The following DCUN1D5 variants were observed in gnomAD, a reference collection of about 807,000 sequenced individuals.
DCUN1D5 encodes the protein DCN1-like protein 5.
Under a neutral mutation model 38.3 loss-of-function variants are expected in DCUN1D5, and 10 were observed. That is an observed-to-expected ratio of 0.26 (90% CI 0.16 to 0.44). The LOEUF (loss-of-function observed/expected upper bound fraction) is 0.44, where lower values mean the gene tolerates loss of function less well. DCUN1D5 is among the 20% of genes least tolerant of loss of function. DCUN1D5 has a pLI of 1.00. For missense variants in DCUN1D5, 148 were observed against 275.3 expected (o/e 0.54, Z 3.27); for synonymous variants, 93 against 90.9 (o/e 1.02, Z -0.13).
Position 103,052,094 on chromosome 11 carries a change from G to A in DCUN1D5, c.*10265C>T, listed in dbSNP as rs533098957. ...TTTTAGTGTCTATTTAGAAGACACT[G>A]TGCCCGGTTATGTGAGACTGCTCCA... On this transcript the variant is annotated 3_prime_UTR_variant, in exon 8 of 8. Transcript: ENST00000260247. The A allele has an allele frequency of 3.9e-4, 59 of 152,160 alleles. No homozygotes were observed. The highest frequency in any genetic ancestry group is 7.9e-4 in the Non-Finnish European group (54 of 68,002). 9.4% of individuals were successfully genotyped at this position (152,160 alleles called of 1,614,324 possible).
In DCUN1D5 at chr11:103,062,051, C is replaced by A. The variant is rs1862024841; in HGVS notation, c.*308G>T. ...AATTCAAATTTACAAAAATAAATACCACTCTGACACTCAAGGGACATCTTC... is the reference window on the plus strand; with the variant it reads ...AATTCAAATTTACAAAAATAAATACAACTCTGACACTCAAGGGACATCTTC... On this transcript the variant is annotated 3_prime_UTR_variant, in exon 8 of 8. Coordinates refer to ENST00000260247, the MANE Select transcript of DCUN1D5 (RefSeq NM_032299.4). This position sits in a 1 kb window ranked among gnomAD's most constrained non-coding sequence, Gnocchi z 4.6. 3.6e-6 allele frequency: 1 copy of A among 279,242 alleles called. No homozygotes were observed. Among genetic ancestry groups the A allele is most frequent in the Non-Finnish European group, 6.6e-6 (1 of 151,418 alleles). 17.3% of individuals were successfully genotyped at this position (279,242 alleles called of 1,614,324 possible).
chr11:103,087,305 G>A lies in DCUN1D5; in HGVS notation c.178+1922C>T, dbSNP rs1164712352. Reference sequence around the variant, plus strand: ...CCTGCCCCAGCCTCCCAAGTAGCTGGGACTACAGGCGCACACCACCACGCC... The same window carrying A: ...CCTGCCCCAGCCTCCCAAGTAGCTGAGACTACAGGCGCACACCACCACGCC... On this transcript the variant is annotated intron_variant, in intron 2 of 7. Coordinates refer to ENST00000260247, the MANE Select transcript of DCUN1D5 (RefSeq NM_032299.4). The surrounding 1 kb of genome is among the most constrained non-coding windows in gnomAD (Gnocchi z 4.1). Among the ~76,000 whole-genome samples the A allele has an allele frequency of 1.3e-5, 2 of 151,772 alleles. No individual in the cohort carries two copies. The highest frequency in any genetic ancestry group is 2.9e-5 in the Non-Finnish European group (2 of 67,978).
At chr11:103,082,338 A>C (rs1364523493) in intron 4 of DCUN1D5, among the ~76,000 whole-genome samples, 3 of 152,136 alleles carry the variant, frequency 2.0e-5, no homozygotes, top group Non-Finnish European at 4.4e-5. Context: ...TCAAATTTTT[A>C]AAGTCAAATA....
intron 2 of DCUN1D5, among the ~76,000 whole-genome samples, chr11:103,084,529 A>G (rs1483852192): frequency 6.6e-6 from 1 of 152,232 alleles, no homozygotes; most frequent in Non-Finnish European, 1.5e-5. Context: ...GAAGGGGGTG[A>G]TTAATTATAG....
rs1033249328 is a variant in DCUN1D5, at chr11:103,055,922, T to C, written c.*6437A>G. 1 of 152,242 alleles carries C rather than the reference T, an allele frequency of 6.6e-6. No individual in the cohort carries two copies. Among genetic ancestry groups the C allele is most frequent in the African/African-American group, 2.4e-5 (1 of 41,472 alleles). The allele number at this position is 152,242 out of a possible 1,614,324, so 9.4% of individuals were successfully genotyped here. Reference sequence around the variant, plus strand: ...AAAGTAAACTCTCAATCTACCCGCTTAAGCCTGCTCCTCTGAGTCTTCGCC... The same window carrying C: ...AAAGTAAACTCTCAATCTACCCGCTCAAGCCTGCTCCTCTGAGTCTTCGCC... On this transcript the variant is annotated 3_prime_UTR_variant, in exon 8 of 8. Transcript: ENST00000260247.
chr11:103,063,906 T>C lies in DCUN1D5; in HGVS notation c.658+369A>G, dbSNP rs1321419641. On this transcript the variant is annotated intron_variant, in intron 7 of 7. Coordinates refer to ENST00000260247, the MANE Select transcript of DCUN1D5 (RefSeq NM_032299.4). The surrounding 1 kb of genome is among the most constrained non-coding windows in gnomAD (Gnocchi z 4.6). Reference sequence around the variant, plus strand: ...TAATATTACAATAATGTTAAAGCTTTTTCTATTGTGGCTGATTGTTTTGCT... The same window carrying C: ...TAATATTACAATAATGTTAAAGCTTCTTCTATTGTGGCTGATTGTTTTGCT... 6.6e-6 allele frequency among the ~76,000 whole-genome samples: 1 copy of C among 152,174 alleles called. No individual in the cohort carries two copies. Among genetic ancestry groups the C allele is most frequent in the Non-Finnish European group, 1.5e-5 (1 of 68,000 alleles).
rs1442455486 is a variant in DCUN1D5, at chr11:103,053,504, G to A, written c.*8855C>T. 1 of 152,118 alleles carries A rather than the reference G, an allele frequency of 6.6e-6. No homozygotes were observed. The highest frequency in any genetic ancestry group is 2.1e-4 in the South Asian group (1 of 4,828). The allele number at this position is 152,118 out of a possible 1,614,324, so 9.4% of individuals were successfully genotyped here. On this transcript the variant is annotated 3_prime_UTR_variant, in exon 8 of 8. Transcript: ENST00000260247. This position sits in a 1 kb window ranked among gnomAD's most constrained non-coding sequence, Gnocchi z 4.8. ...CAAAATAGCTAAAGAGAATTCGAAT[G>A]TTCCTAGTGTAAAGAAAACATAAAT...
rs1384651064 is a variant in DCUN1D5, at chr11:103,091,639, G to C, written c.86+148C>G. On this transcript the variant is annotated intron_variant, in intron 1 of 7. Coordinates refer to ENST00000260247, the MANE Select transcript of DCUN1D5 (RefSeq NM_032299.4). The surrounding 1 kb of genome is among the most constrained non-coding windows in gnomAD (Gnocchi z 4.3). ...GAGGTCGGGTCGGGCGCGGAGACTC[G>C]CGGTGTTCGGCACCTACAGCCTAGC... 1.4e-6 allele frequency: 2 copies of C among 1,458,886 alleles called. No individual in the cohort carries two copies. Among genetic ancestry groups the C allele is most frequent in the East Asian group, 4.8e-5 (2 of 41,434 alleles). 90.4% of individuals were successfully genotyped at this position (1,458,886 alleles called of 1,614,324 possible).
Position 103,066,186 on chromosome 11 carries a change from A to T in DCUN1D5, c.555+83T>A. ...TAAAGTTTTTTTAAAGCATACTATT[A>T]AAAATCTACTTGTTCCTCAAAAGTA... On this transcript the variant is annotated intron_variant, in intron 6 of 7. Coordinates refer to ENST00000260247, the MANE Select transcript of DCUN1D5 (RefSeq NM_032299.4). This position sits in a 1 kb window ranked among gnomAD's most constrained non-coding sequence, Gnocchi z 4.7. 1.1e-6 allele frequency: 1 copy of T among 885,264 alleles called. No homozygotes were observed. The highest frequency in any genetic ancestry group is 1.6e-6 in the Non-Finnish European group (1 of 606,154). The allele number at this position is 885,264 out of a possible 1,614,324, so 54.8% of individuals were successfully genotyped here. A position where few individuals can be genotyped will look rare whatever the true frequency, so the allele number is the denominator to read the frequency against.
chr11:103,084,492 AC>A lies in DCUN1D5; in HGVS notation c.179-1167del, dbSNP rs560763993. Among the ~76,000 whole-genome samples the A allele has an allele frequency of 1.4e-4, 21 of 152,344 alleles. 2 individuals carry two copies. The South Asian group carries it at 3.1e-3, about 23-fold the overall frequency. On this transcript the variant is annotated intron_variant, in intron 2 of 7. Coordinates refer to ENST00000260247, the MANE Select transcript of DCUN1D5 (RefSeq NM_032299.4). ...TAAGTGTTATTAGGTTTAAATAAGT[AC>A]TAACAATGCACTCGTGTTAAAAGGT...
At chr11:103,072,361 T>TCTAGAA (rs1201629461) in intron 4 of DCUN1D5, among the ~76,000 whole-genome samples, 1 of 108,770 alleles carries the variant, frequency 9.2e-6, no homozygotes, top group Non-Finnish European at 1.8e-5. Context: ...TAGATCTAGA[T>TCTAGAA]CTAGAACTAG....
intron 4 of DCUN1D5, among the ~76,000 whole-genome samples, chr11:103,080,680 C>A (rs1484495457): frequency 6.6e-6 from 1 of 152,078 alleles, no homozygotes; most frequent in Admixed American, 6.5e-5. Context: ...ATTTTGTATA[C>A]CCTGTGACCT....
In DCUN1D5 at chr11:103,086,598, C is replaced by T. The variant is rs918069247; in HGVS notation, c.178+2629G>A. Among the ~76,000 whole-genome samples the T allele has an allele frequency of 1.3e-5, 2 of 152,060 alleles. No homozygotes were observed. The highest frequency in any genetic ancestry group is 2.9e-5 in the Non-Finnish European group (2 of 68,006). On this transcript the variant is annotated intron_variant, in intron 2 of 7. Transcript: ENST00000260247. This position sits in a 1 kb window ranked among gnomAD's most constrained non-coding sequence, Gnocchi z 4.1. ...CATATTTATTATCCTTATAACTCCC[C>T]ACAATCTGTACTTATCTTGCCTACA...
rs1051657731 is a variant in DCUN1D5, at chr11:103,065,518, A to C, written c.555+751T>G. On this transcript the variant is annotated intron_variant, in intron 6 of 7. Coordinates refer to ENST00000260247, the MANE Select transcript of DCUN1D5 (RefSeq NM_032299.4). This position sits in a 1 kb window ranked among gnomAD's most constrained non-coding sequence, Gnocchi z 4.6. Reference sequence around the variant, plus strand: ...GGGAAAAGGGAAGCAGCTATAAGCAATGTGCTTTATGAGAAATTATTTCCA... The same window carrying C: ...GGGAAAAGGGAAGCAGCTATAAGCACTGTGCTTTATGAGAAATTATTTCCA... Among the ~76,000 whole-genome samples the C allele has an allele frequency of 9.9e-5, 15 of 152,196 alleles. No homozygotes were observed. Among genetic ancestry groups the C allele is most frequent in the African/African-American group, 2.7e-4 (11 of 41,446 alleles).
rs767224177 is a variant in DCUN1D5 at position 103,066,507 on chromosome 11, A to G, written c.402T>C (p.Asp134=). The G allele has an allele frequency of 6.2e-7, 1 of 1,612,820 alleles. No homozygotes were observed. The highest frequency in any genetic ancestry group is 1.7e-5 in the Admixed American group (1 of 59,878). Residue 134 remains aspartate, a synonymous_variant, in exon 5 of 8, where the codon GAT becomes GAC. Coordinates refer to ENST00000260247, the MANE Select transcript of DCUN1D5 (RefSeq NM_032299.4). The surrounding 1 kb of genome is among the most constrained non-coding windows in gnomAD (Gnocchi z 4.7). ...TGTAGATATTCTTAAATGACGAAAT[A>G]TCATTCAACTGTGAGCGCAAAAAGT... is the stretch of plus-strand genomic sequence containing the variant. ...KFDFLRSQLN[D]ISSFKNIYRY...
chr11:103,075,755 T>C (rs1862393633), intron 4 of DCUN1D5, among the ~76,000 whole-genome samples: 1 of 152,216 alleles, frequency 6.6e-6, no homozygotes. Context: ...AGTAGCCATA[T>C]TGCCAGAAAT....
In DCUN1D5 at chr11:103,066,163, A is replaced by C. The variant is rs1862130085; in HGVS notation, c.555+106T>G. The C allele has an allele frequency of 1.5e-6, 1 of 647,382 alleles. No homozygotes were observed. The highest frequency in any genetic ancestry group is 3.4e-5 in the South Asian group (1 of 29,466). 40.1% of individuals were successfully genotyped at this position (647,382 alleles called of 1,614,324 possible). A position where few individuals can be genotyped will look rare whatever the true frequency, so the allele number is the denominator to read the frequency against. ...TACATATTTTAGAATTTTTTCTCTAAAGTTTTTTTAAAGCATACTATTAAA... is the reference window on the plus strand; with the variant it reads ...TACATATTTTAGAATTTTTTCTCTACAGTTTTTTTAAAGCATACTATTAAA... On this transcript the variant is annotated intron_variant, in intron 6 of 7. Coordinates refer to ENST00000260247, the MANE Select transcript of DCUN1D5 (RefSeq NM_032299.4). The surrounding 1 kb of genome is among the most constrained non-coding windows in gnomAD (Gnocchi z 4.7).
chr11:103,079,618 T>C (rs1213416645), intron 4 of DCUN1D5, among the ~76,000 whole-genome samples: 1 of 150,672 alleles, frequency 6.6e-6, no homozygotes, highest in Non-Finnish European at 1.5e-5. Context: ...AGTGAGACCC[T>C]GTCTCTCAAA....
chr11:103,052,190 T>A lies in DCUN1D5; in HGVS notation c.*10169A>T, dbSNP rs1403370445. ...ACAACCTACCATGAGTCAGGCACCA[T>A]GCTGAGAGCTGAAGACATGGTTTCT... On this transcript the variant is annotated 3_prime_UTR_variant, in exon 8 of 8. Coordinates refer to ENST00000260247, the MANE Select transcript of DCUN1D5 (RefSeq NM_032299.4). The A allele has an allele frequency of 6.6e-6, 1 of 152,232 alleles. No individual in the cohort carries two copies. Among genetic ancestry groups the A allele is most frequent in the Non-Finnish European group, 1.5e-5 (1 of 68,036 alleles). The allele number at this position is 152,232 out of a possible 1,614,324, so 9.4% of individuals were successfully genotyped here. A position where few individuals can be genotyped will look rare whatever the true frequency, so the allele number is the denominator to read the frequency against.
Sources: gnomAD v4.1 joint callset for allele counts (sites outside exome capture counted in the v4.1 genomes callset) on GRCh38, gnomAD v4.1.1 for gene constraint, Gnocchi (gnomAD v3.1) non-coding constraint, MANE v1.5 for transcripts, NCBI Gene and HGNC (gene_info 2026-07-23, HGNC 2026-07-21) for gene names.